Variants in KIAA1217 observed in about 807,000 individuals in gnomAD.
The protein encoded by KIAA1217 is KIAA1217, also known as sickle tail protein homolog.
KIAA1217 carries 88 observed loss-of-function variants against 163.9 expected under a neutral mutation model. The observed-to-expected ratio is 0.54, with a 90% CI of 0.45 to 0.64. KIAA1217 has a LOEUF of 0.64. KIAA1217 is among the 30% of genes least tolerant of loss of function. KIAA1217 has a pLI of 0.00. For missense variants in KIAA1217, 2,372 were observed against 2,475.0 expected (o/e 0.96, Z 0.88); for synonymous variants, 903 against 923.1 (o/e 0.98, Z 0.39).
intron 4 of KIAA1217, among the ~76,000 whole-genome samples, chr10:24,435,411 GT>G (rs2131876006): frequency 6.6e-6 from 1 of 152,298 alleles, no homozygotes; most frequent in Non-Finnish European, 1.5e-5. Context: ...CCCACATACT[GT>G]TTTTACATGG....
chr10:23,906,280 A>G (rs886223798), intron 1 of KIAA1217, among the ~76,000 whole-genome samples: 5 of 152,054 alleles, frequency 3.3e-5, no homozygotes, highest in Non-Finnish European at 5.9e-5. Flanking sequence ...ACACAAAAAT[A>G]CACATACACA....
chr10:24,337,265 A>G (rs776330677), intron 2 of KIAA1217, among the ~76,000 whole-genome samples: 3 of 152,262 alleles, frequency 2.0e-5, no homozygotes, highest in Non-Finnish European at 4.4e-5. Flanking sequence ...ACTTGAATAG[A>G]TATTTCTCCA....
At chr10:23,774,403 G>A (rs568221850) in intron 1 of KIAA1217, among the ~76,000 whole-genome samples, 2 of 152,328 alleles carry the variant, frequency 1.3e-5, no homozygotes, top group African/African-American at 4.8e-5. Flanking sequence ...CTGTACTTCA[G>A]AGGGTGTCAC....
At chr10:24,072,160 G>A (rs938921059) in intron 2 of KIAA1217, among the ~76,000 whole-genome samples, 1 of 152,046 alleles carries the variant, frequency 6.6e-6, no homozygotes, top group African/African-American at 2.4e-5. Context: ...CAAGGAGTTA[G>A]GACTAAAGGC....
intron 2 of KIAA1217, among the ~76,000 whole-genome samples, chr10:24,154,239 G>T (rs1432434394): frequency 1.3e-5 from 2 of 151,932 alleles, no homozygotes; most frequent in Admixed American, 6.6e-5. Flanking sequence ...TTACAGGCGT[G>T]AGCCACCCCG....
At chr10:23,909,583 G>A (rs144687418) in intron 1 of KIAA1217, among the ~76,000 whole-genome samples, 3 of 152,062 alleles carry the variant, frequency 2.0e-5, no homozygotes, top group African/African-American at 7.2e-5. Flanking sequence ...AGGGAATGAT[G>A]GTTTCCAGCT....
intron 2 of KIAA1217, among the ~76,000 whole-genome samples, chr10:24,044,408 A>G (rs1181423938): frequency 1.3e-5 from 2 of 152,172 alleles, no homozygotes; most frequent in Non-Finnish European, 2.9e-5. Flanking sequence ...CATTTGGTCC[A>G]CAAGGTTTAG....
intron 2 of KIAA1217, among the ~76,000 whole-genome samples, chr10:24,334,147 T>C (rs192555664): frequency 4.7e-4 from 71 of 152,328 alleles, no homozygotes; most frequent in Admixed American, 1.0e-3. Flanking sequence ...ATATTTGAGT[T>C]TGGACTCAAA....
chr10:23,759,687 A>G (rs1352564877), intron 1 of KIAA1217, among the ~76,000 whole-genome samples: 1 of 152,262 alleles, frequency 6.6e-6, no homozygotes, highest in Non-Finnish European at 1.5e-5. Flanking sequence ...CTTAATAATT[A>G]GATAATGGTG....
intron 2 of KIAA1217, among the ~76,000 whole-genome samples, chr10:24,230,600 C>G (rs977766662): frequency 6.7e-6 from 1 of 149,508 alleles, no homozygotes; most frequent in East Asian, 2.0e-4. Context: ...CAATCTCTGC[C>G]TCCTGGGTTC....
At chr10:24,135,775 T>A (rs1299419318) in intron 2 of KIAA1217, among the ~76,000 whole-genome samples, 1 of 152,078 alleles carries the variant, frequency 6.6e-6, no homozygotes, top group Non-Finnish European at 1.5e-5. Flanking sequence ...CTGCGAAGCT[T>A]TCTGAGTTGT....
chr10:23,880,275 A>T lies in KIAA1217; in HGVS notation c.-320-126950A>T, dbSNP rs573613373. Among the ~76,000 whole-genome samples the T allele has an allele frequency of 9.8e-4, 149 of 152,126 alleles. 1 individual carries two copies. The highest frequency in any genetic ancestry group is 3.5e-3 in the African/African-American group (144 of 41,552). ...TGAAGTATAATTCTACCATAAAAAAAAATGAGATGCTGTCATTTGCAACAA... is the reference window on the plus strand; with the variant it reads ...TGAAGTATAATTCTACCATAAAAAATAATGAGATGCTGTCATTTGCAACAA... On this transcript the variant is annotated intron_variant, in intron 1 of 18. Coordinates refer to the KIAA1217 transcript ENST00000376462.
chr10:24,223,045 C>T (rs985865060), intron 2 of KIAA1217, among the ~76,000 whole-genome samples: 1 of 152,088 alleles, frequency 6.6e-6, no homozygotes, highest in African/African-American at 2.4e-5. Flanking sequence ...CCAGAGGTCA[C>T]TCTTGTGGCC....
chr10:24,539,985 G>A (rs554699610), intron 17 of KIAA1217, among the ~76,000 whole-genome samples: 3 of 152,094 alleles, frequency 2.0e-5, no homozygotes, highest in African/African-American at 7.2e-5. Flanking sequence ...ATATTAAAGA[G>A]GCATAATTAC....
chr10:23,844,101 A>G (rs1353140631), intron 1 of KIAA1217, among the ~76,000 whole-genome samples: 3 of 152,162 alleles, frequency 2.0e-5, no homozygotes, highest in Non-Finnish European at 1.5e-5. Flanking sequence ...AATATTTTCA[A>G]CCAATCTTTT....
At chr10:24,518,819 G>A (rs2070626443) in intron 10 of KIAA1217, among the ~76,000 whole-genome samples, 2 of 152,166 alleles carry the variant, frequency 1.3e-5, no homozygotes, top group Admixed American at 1.3e-4. Context: ...TCACAGACGT[G>A]GACAATGAGC....
At chr10:24,081,738 G>A (rs1054266648) in intron 2 of KIAA1217, among the ~76,000 whole-genome samples, 2 of 152,200 alleles carry the variant, frequency 1.3e-5, no homozygotes, top group East Asian at 1.9e-4. Context: ...ATCTCATAAT[G>A]TGTGAAGAAA....
chr10:24,269,148 A>G lies in KIAA1217; in HGVS notation c.354+49239A>G, dbSNP rs549755417. Among the ~76,000 whole-genome samples, 91 of 147,346 alleles carry G rather than the reference A, an allele frequency of 6.2e-4. 1 individual carries two copies. The East Asian group carries it at 0.015, about 25-fold the overall frequency. On this transcript the variant is annotated intron_variant, in intron 2 of 20. Transcript: ENST00000376454. ...TGGGTGCAGCGCACCAGCATGGCAC[A>G]TGTATACATATGTAACTAACCTGCA...
intron 3 of KIAA1217, among the ~76,000 whole-genome samples, chr10:24,397,326 G>A (rs1057208560): frequency 9.2e-5 from 14 of 152,064 alleles, no homozygotes; most frequent in African/African-American, 4.8e-5. Flanking sequence ...CTGACCTCGC[G>A]ATCCACCCGG....
Sources: allele counts gnomAD v4.1 joint callset (sites outside exome capture counted in the v4.1 genomes callset), GRCh38; gene constraint gnomAD v4.1.1; transcripts MANE v1.5; gene names NCBI Gene and HGNC (gene_info 2026-07-23, HGNC 2026-07-21).